Variants in SDAD1 observed in about 807,000 individuals in gnomAD.
SDAD1 encodes SDA1 domain containing 1.
Under a neutral mutation model 100.3 loss-of-function variants are expected in SDAD1, and 79 were observed. That is an observed-to-expected ratio of 0.79 (90% CI 0.66 to 0.95). The LOEUF is 0.95. SDAD1 is among the 40% of genes least tolerant of loss of function. The probability of loss-of-function intolerance (pLI) is 0.00; values close to 1 mark genes in which losing one functional copy is unlikely to be tolerated. For synonymous variants in SDAD1, 267 were observed against 271.4 expected (o/e 0.98, Z 0.16); for missense variants, 790 against 810.9 (o/e 0.97, Z 0.31).
chr4:75,977,620 A>G, intron 4 of SDAD1, 26 bp downstream of exon 4: 1 of 1,353,632 alleles, frequency 7.4e-7, no homozygotes, highest in African/African-American at 1.4e-5. Flanking sequence ...AGGAAGATGC[A>G]GGGAAATATT....
At chr4:75,967,011 C>T (rs1231559018) in intron 12 of SDAD1, among the ~76,000 whole-genome samples, 1 of 152,146 alleles carries the variant, frequency 6.6e-6, no homozygotes, top group African/African-American at 2.4e-5. Context: ...AGGTAATCCA[C>T]CCATCTTGGC....
intron 1 of SDAD1, among the ~76,000 whole-genome samples, chr4:75,982,985 T>A (rs1331318678): frequency 2.0e-5 from 3 of 146,462 alleles, no homozygotes. Flanking sequence ...GATGTTCCCC[T>A]TCCTGTATCC....
chr4:75,967,239 C>A (rs778513438), intron 12 of SDAD1, 38 bp downstream of exon 12: 10 of 1,597,992 alleles, frequency 6.3e-6, no homozygotes, highest in Non-Finnish European at 7.7e-6. Context: ...TATTCTATTA[C>A]CAAGGCCACC....
At position 75,981,569 on chromosome 4, in the gene SDAD1, A is replaced by G. The variant is rs762133805; in HGVS notation, c.196-99T>C. 25 of 1,566,862 alleles carry G rather than the reference A, an allele frequency of 1.6e-5. No homozygotes were observed. The South Asian group carries it at 2.4e-4, about 15-fold the overall frequency. On this transcript the variant is annotated intron_variant, in intron 2 of 21. Coordinates refer to ENST00000356260, the MANE Select transcript of SDAD1 (RefSeq NM_018115.4). ...TTCTGCAAAACGAGAGTAAAAGGCTATGTTTCATAGAAGTAGATGGTTCCA... is the reference window on the plus strand; with the variant it reads ...TTCTGCAAAACGAGAGTAAAAGGCTGTGTTTCATAGAAGTAGATGGTTCCA...
chr4:75,978,982 G>GAAAAAAAAAAAAAAAAAAAAAAAAAAA (rs538009004), intron 3 of SDAD1, among the ~76,000 whole-genome samples: 3 of 38,066 alleles, frequency 7.9e-5, no homozygotes, highest in Non-Finnish European at 1.9e-4. Context: ...CCCTGTCTCA[G>GAAAAAAAAAAAAAAAAAAAAAAAAAAA]AAAAAAAAAA....
intron 12 of SDAD1, 59 bp downstream of exon 12, chr4:75,967,218 C>T (rs1729596923): frequency 1.3e-6 from 2 of 1,493,372 alleles, no homozygotes; most frequent in East Asian, 2.3e-5. Flanking sequence ...GAACAAAAGA[C>T]TTTGCATGTT....
At chr4:75,984,863 A>G (rs894959784) in intron 1 of SDAD1, among the ~76,000 whole-genome samples, 1 of 151,588 alleles carries the variant, frequency 6.6e-6, no homozygotes, top group African/African-American at 2.4e-5. Context: ...TCACATATCC[A>G]GTCACCTGTC....
intron 21 of SDAD1, among the ~76,000 whole-genome samples, chr4:75,954,481 T>C (rs1215821423): frequency 6.6e-6 from 1 of 151,700 alleles, no homozygotes; most frequent in Non-Finnish European, 1.5e-5. Flanking sequence ...GAAACCAGAC[T>C]GGGCAACATG....
At chr4:75,975,521 T>TA (rs1730107544) in intron 6 of SDAD1, among the ~76,000 whole-genome samples, 1 of 152,192 alleles carries the variant, frequency 6.6e-6, no homozygotes, top group Admixed American at 6.5e-5. Flanking sequence ...CAAGTTGTTC[T>TA]AAGTGAGGTC....
Position 75,964,187 on chromosome 4 carries a change from C to T in SDAD1, c.1129G>A (p.Val377Met), listed in dbSNP as rs746216898. 17 of 1,607,440 alleles carry T rather than the reference C, an allele frequency of 1.1e-5. No homozygotes were observed. In the Admixed American group the frequency reaches 2.4e-4, roughly 23 times the overall value. Residue 377 changes from valine (V) to methionine (M), a missense_variant, in exon 14 of 22, where the codon GTG becomes ATG. Physicochemically the swap from Val to Met is conservative, Grantham distance 21. Transcript: ENST00000356260. ...PEIIQSLLMT[V>M]ANNFVTDKNS... Reference sequence around the variant, plus strand: ...TTGTCGGTAACAAAATTGTTTGCCACAGTCATAAGCAATGATTGAATAATC... The same window carrying T: ...TTGTCGGTAACAAAATTGTTTGCCATAGTCATAAGCAATGATTGAATAATC...
At chr4:75,962,805 T>C (rs1387203293) in intron 14 of SDAD1, among the ~76,000 whole-genome samples, 2 of 152,220 alleles carry the variant, frequency 1.3e-5, no homozygotes, top group Admixed American at 6.5e-5. Flanking sequence ...CTTTGTCAGA[T>C]GGGTAGATTG....
chr4:75,973,528 T>C (rs1215387190), intron 7 of SDAD1, 137 bp from the exon 8 acceptor site: 2 of 627,582 alleles, frequency 3.2e-6, no homozygotes, highest in Non-Finnish European at 5.5e-6. Context: ...TTTTTGTTCA[T>C]TTTTTCTTAA....
intron 12 of SDAD1, 43 bp from the exon 13 acceptor site, chr4:75,965,865 C>T (rs1234502353): frequency 1.3e-6 from 2 of 1,549,450 alleles, no homozygotes; most frequent in South Asian, 2.3e-5. Context: ...CAGTGTATCA[C>T]CCTGCCTCTG....
chr4:75,981,132 T>C (rs1228305778), intron 3 of SDAD1, among the ~76,000 whole-genome samples: 2 of 152,166 alleles, frequency 1.3e-5, no homozygotes, highest in Non-Finnish European at 2.9e-5. Context: ...CTGAAAACAA[T>C]ATGATATCAG....
At chr4:75,962,325 T>A (rs181776564) in intron 14 of SDAD1, among the ~76,000 whole-genome samples, 3 of 152,212 alleles carry the variant, frequency 2.0e-5, no homozygotes, top group Non-Finnish European at 4.4e-5. Context: ...TGGTTCCAAG[T>A]CTTTGCTATT....
intron 3 of SDAD1, among the ~76,000 whole-genome samples, chr4:75,980,462 T>C (rs1053831775): frequency 1.3e-5 from 2 of 152,242 alleles, no homozygotes; most frequent in African/African-American, 2.4e-5. Flanking sequence ...TGCGTACTTA[T>C]CTGCTGTAAA....
intron 17 of SDAD1, among the ~76,000 whole-genome samples, chr4:75,959,397 G>A (rs889676617): frequency 2.0e-5 from 3 of 151,796 alleles, no homozygotes; most frequent in African/African-American, 4.8e-5. Flanking sequence ...TGAGGTTAGG[G>A]GTTCAAGACC....
At chr4:75,966,767 G>GTTTTC (rs571688860) in intron 12 of SDAD1, among the ~76,000 whole-genome samples, 5 of 152,196 alleles carry the variant, frequency 3.3e-5, no homozygotes, top group Admixed American at 2.6e-4. Context: ...TGTTGTTGTT[G>GTTTTC]TTTTCTTTTC....
intron 14 of SDAD1, among the ~76,000 whole-genome samples, chr4:75,962,973 TA>T (rs1179321450): frequency 1.3e-5 from 2 of 152,364 alleles, no homozygotes; most frequent in East Asian, 3.9e-4. Context: ...TGTCCATGCC[TA>T]TGTCCTGAAT....
Sources: gnomAD v4.1 joint callset for allele counts (sites outside exome capture counted in the v4.1 genomes callset) on GRCh38, gnomAD v4.1.1 for gene constraint, MANE v1.5 for transcripts, NCBI Gene and HGNC (gene_info 2026-07-23, HGNC 2026-07-21) for gene names.